CFAP61: variants seen among roughly 807,000 people sequenced by gnomAD.
The protein encoded by CFAP61 is cilia and flagella associated protein 61.
Under a neutral mutation model 135.6 loss-of-function variants are expected in CFAP61, and 107 were observed. The observed-to-expected ratio is 0.79, with a 90% CI of 0.67 to 0.93. The LOEUF is 0.93. Ranked by LOEUF, CFAP61 falls within the 40% of genes least tolerant of loss-of-function variation. The probability of loss-of-function intolerance (pLI) is 0.00; values close to 1 mark genes in which losing one functional copy is unlikely to be tolerated. For synonymous variants in CFAP61, 575 were observed against 578.5 expected (o/e 0.99, Z 0.09); for missense variants, 1,507 against 1,556.2 (o/e 0.97, Z 0.53).
At chr20:20,060,275 A>C (rs1540753) in intron 2 of CFAP61, among the ~76,000 whole-genome samples, 21,522 of 152,182 alleles carry the variant, frequency 0.14, 1,663 homozygotes, top group East Asian at 0.22. Context: ...GCATTTTCTG[A>C]CAAACAAAAA....
At chr20:20,263,903 T>C (rs2052477626) in intron 21 of CFAP61, among the ~76,000 whole-genome samples, 1 of 152,202 alleles carries the variant, frequency 6.6e-6, no homozygotes, top group Non-Finnish European at 1.5e-5. Flanking sequence ...TCCAGGGATG[T>C]AAAACCACTA....
intron 21 of CFAP61, among the ~76,000 whole-genome samples, chr20:20,269,146 T>TATATATACAC (rs1419572825): frequency 2.3e-5 from 2 of 85,596 alleles, no homozygotes; most frequent in African/African-American, 4.0e-5. Context: ...TATATATATA[T>TATATATACAC]ACACACACAC....
chr20:20,298,262 A>G lies in CFAP61; in HGVS notation c.3298A>G (p.Ile1100Val). ...TAACAAGTATAAAATGGTGGAAACC[A>G]TCACGTGCCTTTCTAGGGAGCCCTT... ...HINKYKMVET[I>V]TCLSREPFPA... The change falls in exon 25 of 27, where the codon ATC (isoleucine) becomes GTC (valine). Residue 1100 changes from isoleucine to valine, a missense_variant. By Grantham distance (29) the Ile-to-Val change is conservative (BLOSUM62 3). Coordinates refer to ENST00000245957, the MANE Select transcript of CFAP61 (RefSeq NM_015585.4). 1.2e-6 allele frequency: 2 copies of G among 1,614,128 alleles called. No individual in the cohort carries two copies. The highest frequency in any genetic ancestry group is 1.7e-6 in the Non-Finnish European group (2 of 1,179,982).
chr20:20,090,464 G>A (rs2047101955), intron 6 of CFAP61, among the ~76,000 whole-genome samples: 1 of 152,140 alleles, frequency 6.6e-6, no homozygotes, highest in Non-Finnish European at 1.5e-5. Context: ...GGCCGAGGCA[G>A]GCAGATCATG....
chr20:20,251,332 A>AACACAC (rs151288479), intron 19 of CFAP61, among the ~76,000 whole-genome samples: 24 of 150,050 alleles, frequency 1.6e-4, no homozygotes, highest in Non-Finnish European at 3.0e-4. Context: ...CATACAGATA[A>AACACAC]ACACACACAC....
chr20:20,295,182 G>A (rs1386778793), intron 24 of CFAP61, among the ~76,000 whole-genome samples: 1 of 151,974 alleles, frequency 6.6e-6, no homozygotes. Context: ...GCACAGCCTC[G>A]GCCACGTACA....
intron 8 of CFAP61, among the ~76,000 whole-genome samples, chr20:20,119,937 C>G (rs1568945233): frequency 6.6e-6 from 1 of 152,202 alleles, no homozygotes. Context: ...ATAACGGCAT[C>G]CAGCTCCATG....
At chr20:20,144,839 T>C (rs1020889397) in intron 9 of CFAP61, among the ~76,000 whole-genome samples, 2 of 152,000 alleles carry the variant, frequency 1.3e-5, no homozygotes, top group African/African-American at 4.8e-5. Flanking sequence ...GGATTTCTTA[T>C]TGGAAATAAT....
At chr20:20,195,098 G>T (rs912516667) in intron 15 of CFAP61, among the ~76,000 whole-genome samples, 9 of 152,148 alleles carry the variant, frequency 5.9e-5, no homozygotes, top group Non-Finnish European at 1.0e-4. Flanking sequence ...CCATTACAGG[G>T]TCAATGCAGA....
At chr20:20,130,655 A>G (rs2050448288) in intron 8 of CFAP61, among the ~76,000 whole-genome samples, 2 of 151,696 alleles carry the variant, frequency 1.3e-5, no homozygotes, top group South Asian at 2.1e-4. Flanking sequence ...GTTTGCATCA[A>G]TTCTAGCAAA....
At chr20:20,220,071 C>CT (rs1477769833) in intron 17 of CFAP61, 1 of 152,344 alleles carries the variant, frequency 6.6e-6, no homozygotes, top group East Asian at 1.9e-4. Context: ...GGCTGGTTGC[C>CT]AGGAGAACCA....
chr20:20,344,290 G>A (rs1248825008), intron 26 of CFAP61, among the ~76,000 whole-genome samples: 1 of 152,222 alleles, frequency 6.6e-6, no homozygotes, highest in African/African-American at 2.4e-5. Context: ...GGCCCAGTGA[G>A]TGCTGACCAC....
At chr20:20,269,152 C>CACACACACACACACATACATATATGTAT (rs2053087442) in intron 21 of CFAP61, among the ~76,000 whole-genome samples, 6 of 89,514 alleles carry the variant, frequency 6.7e-5, no homozygotes, top group African/African-American at 2.2e-4. Flanking sequence ...TATATACACA[C>CACACACACACACACATACATATATGTAT]ACACACACAC....
At chr20:20,225,416 G>C (rs2048671390) in intron 17 of CFAP61, 1 of 152,152 alleles carries the variant, frequency 6.6e-6, no homozygotes, top group African/African-American at 2.4e-5. Context: ...CATTGGTACT[G>C]GTTGCCTGCT....
At chr20:20,150,470 A>C (rs950854074) in intron 9 of CFAP61, among the ~76,000 whole-genome samples, 1 of 152,200 alleles carries the variant, frequency 6.6e-6, no homozygotes, top group Non-Finnish European at 1.5e-5. Context: ...ACAGCAACTC[A>C]TGACAGAACA....
intron 21 of CFAP61, among the ~76,000 whole-genome samples, chr20:20,267,334 G>A (rs900197138): frequency 6.6e-6 from 1 of 152,222 alleles, no homozygotes; most frequent in African/African-American, 2.4e-5. Context: ...CTGGCGGGCC[G>A]CAAGCACCCA....
At chr20:20,189,787 TTTTATTTATTTATTTG>T (rs2146871663) in intron 14 of CFAP61, among the ~76,000 whole-genome samples, 1 of 152,270 alleles carries the variant, frequency 6.6e-6, no homozygotes, top group Admixed American at 6.5e-5. Flanking sequence ...ATTTTTTTAT[TTTTATTTATTTATTTG>T]TTTATTTTGA....
At chr20:20,342,571 T>A (rs2058485130) in intron 26 of CFAP61, among the ~76,000 whole-genome samples, 1 of 152,360 alleles carries the variant, frequency 6.6e-6, no homozygotes, top group Non-Finnish European at 1.5e-5. Flanking sequence ...ATCTCCAGCC[T>A]GGCTCTACCC....
In CFAP61 at chr20:20,056,732, A is replaced by G. The variant is rs777468932; in HGVS notation, c.79A>G (p.Ile27Val). Residue 27 changes from isoleucine (I) to valine (V), a missense_variant, in exon 2 of 27, where the codon ATC becomes GTC. By Grantham distance (29) the Ile-to-Val change is conservative. Coordinates refer to ENST00000245957, the MANE Select transcript of CFAP61 (RefSeq NM_015585.4). The part of the protein sequence containing the change: ...RRTESQDVYC[I>V]KSLIRKFTCK... Reference sequence around the variant, plus strand: ...AACAGAATCACAGGATGTTTATTGTATCAAAAGCCTTATTAGAAAATTTAC... The same window carrying G: ...AACAGAATCACAGGATGTTTATTGTGTCAAAAGCCTTATTAGAAAATTTAC... 4.3e-6 allele frequency: 7 copies of G among 1,614,040 alleles called. No individual in the cohort carries two copies. Among genetic ancestry groups the G allele is most frequent in the Non-Finnish European group, 5.1e-6 (6 of 1,179,966 alleles).
Sources: gnomAD v4.1 joint callset for allele counts (sites outside exome capture counted in the v4.1 genomes callset) on GRCh38, gnomAD v4.1.1 for gene constraint, MANE v1.5 for transcripts, NCBI Gene and HGNC (gene_info 2026-07-23, HGNC 2026-07-21) for gene names.